The following TESK2 variants were observed in gnomAD, a reference collection of about 807,000 sequenced individuals.
TESK2 encodes dual specificity testis-specific protein kinase 2.
Under a neutral mutation model 57.1 loss-of-function variants are expected in TESK2, and 39 were observed. The ratio of observed to expected loss-of-function variants is 0.68; its 90% CI spans 0.53 to 0.89. The LOEUF is 0.89. TESK2 is among the 40% of genes least tolerant of loss of function. The pLI, the probability that TESK2 is intolerant of heterozygous loss-of-function variation, is 0.00. For synonymous variants in TESK2, 249 were observed against 267.9 expected, an observed-to-expected ratio of 0.93 and a Z score of 0.69; for missense variants, 646 against 732.1, an observed-to-expected ratio of 0.88 and a Z score of 1.36.
At chr1:45,440,257 C>A (rs774598868) in intron 2 of TESK2, among the ~76,000 whole-genome samples, 4 of 151,270 alleles carry the variant, frequency 2.6e-5, no homozygotes, top group Non-Finnish European at 4.4e-5. Context: ...TGCCAAGGCC[C>A]CCCCAAAAAA....
chr1:45,402,639 C>T (rs1413550110), intron 3 of TESK2, among the ~76,000 whole-genome samples: 1 of 151,916 alleles, frequency 6.6e-6, no homozygotes, highest in Non-Finnish European at 1.5e-5. Flanking sequence ...TGCAGCACCA[C>T]ACCAAGCTAA....
intron 2 of TESK2, among the ~76,000 whole-genome samples, chr1:45,423,450 G>C (rs958908404): frequency 6.6e-6 from 1 of 151,902 alleles, no homozygotes; most frequent in Non-Finnish European, 1.5e-5. Flanking sequence ...CCAGCTACTC[G>C]GGAGGCTGAG....
chr1:45,478,600 T>C (rs912413281), intron 1 of TESK2, among the ~76,000 whole-genome samples: 6 of 152,366 alleles, frequency 3.9e-5, no homozygotes, highest in Non-Finnish European at 7.3e-5. Flanking sequence ...TATATTTATT[T>C]AGCACCTCTT....
intron 1 of TESK2, among the ~76,000 whole-genome samples, chr1:45,489,611 G>A (rs910281476): frequency 1.3e-5 from 2 of 152,144 alleles, no homozygotes; most frequent in South Asian, 2.1e-4. Flanking sequence ...CCAACGTGGG[G>A]AAACCCCGTC....
intron 1 of TESK2, among the ~76,000 whole-genome samples, chr1:45,469,847 C>T (rs576434067): frequency 6.6e-6 from 1 of 152,316 alleles, no homozygotes; most frequent in East Asian, 1.9e-4. Context: ...TGCTGTTTCT[C>T]ACCCCTTCAT....
At chr1:45,384,557 C>T (rs1648799591) in intron 4 of TESK2, among the ~76,000 whole-genome samples, 1 of 145,592 alleles carries the variant, frequency 6.9e-6, no homozygotes, top group Non-Finnish European at 1.5e-5. Flanking sequence ...GTAAATAGGA[C>T]TACAGGTACA....
chr1:45,488,353 A>G (rs1653570736), intron 1 of TESK2, among the ~76,000 whole-genome samples: 1 of 152,222 alleles, frequency 6.6e-6, no homozygotes, highest in South Asian at 2.1e-4. Context: ...AAGTAATCAC[A>G]TCGATAAGGC....
intron 3 of TESK2, chr1:45,399,011 GC>G (rs1277483497): frequency 2.0e-5 from 7 of 347,006 alleles, no homozygotes; most frequent in Non-Finnish European, 3.8e-5. Context: ...AAAAAAACAA[GC>G]CTTTAAGCCA....
At chr1:45,373,162 T>A (rs111581158) in intron 4 of TESK2, among the ~76,000 whole-genome samples, 10 of 152,158 alleles carry the variant, frequency 6.6e-5, no homozygotes, top group African/African-American at 2.2e-4. Flanking sequence ...AAAAAAGATT[T>A]GTATTTCAGG....
chr1:45,411,327 C>T (rs1494812), intron 3 of TESK2, among the ~76,000 whole-genome samples: 39,207 of 151,840 alleles, frequency 0.26, 5,186 homozygotes, highest in East Asian at 0.36. Flanking sequence ...TCCACAGACT[C>T]GGGTGAGGGT....
rs199702121 is a variant in TESK2 at position 45,385,696 on chromosome 1, ATG to A, written c.393+214_393+215del. Among the ~76,000 whole-genome samples the A allele has an allele frequency of 9.9e-5, 14 of 141,836 alleles. No individual in the cohort carries two copies. In the East Asian group the frequency reaches 1.4e-3, roughly 14 times the overall value. 93.0% of individuals were successfully genotyped at this position (141,836 alleles called of 152,430 possible). On this transcript the variant is annotated intron_variant, in intron 4 of 10. Coordinates refer to ENST00000372086, the MANE Select transcript of TESK2 (RefSeq NM_007170.3). ...ACATGTACCCCAGAACTTAAAGTGT[ATG>A]TGTGTGTGTGTGTATATATATATAT...
intron 1 of TESK2, among the ~76,000 whole-genome samples, chr1:45,470,225 G>T (rs749579634): frequency 6.6e-6 from 1 of 152,062 alleles, no homozygotes; most frequent in East Asian, 1.9e-4. Context: ...ATGTAGCCCC[G>T]AAAACTGGCC....
At position 45,345,176 on chromosome 1, in the gene TESK2, C is replaced by T. The variant is rs778194657; in HGVS notation, c.1380G>A (p.Ser460=). The T allele has an allele frequency of 2.6e-5, 42 of 1,614,024 alleles. No individual in the cohort carries two copies. The highest frequency in any genetic ancestry group is 3.6e-5 in the Non-Finnish European group (42 of 1,180,034). The part of the protein sequence containing the change: ...PIRRWRSLPG[S]PEFLHQEACP... ...AAGCCTCTTGATGCAAGAACTCAGG[C>T]GAACCAGGCAAGGAACGCCACCGGC... Residue 460 remains serine (S), a synonymous_variant, in exon 11 of 11, where the codon TCG becomes TCA. Transcript: ENST00000372086.
At chr1:45,474,785 C>CTT (rs1268268401) in intron 1 of TESK2, among the ~76,000 whole-genome samples, 3 of 139,710 alleles carry the variant, frequency 2.1e-5, no homozygotes, top group South Asian at 2.3e-4. Flanking sequence ...GCCTCCATCT[C>CTT]TTTTTTTTTT....
intron 2 of TESK2, among the ~76,000 whole-genome samples, chr1:45,435,616 C>T (rs1194623658): frequency 1.2e-5 from 1 of 84,566 alleles, no homozygotes; most frequent in African/African-American, 5.0e-5. Context: ...CTATGTTGCT[C>T]AGTATTCTTT....
At chr1:45,459,191 G>A (rs767229186) in intron 1 of TESK2, among the ~76,000 whole-genome samples, 5 of 152,212 alleles carry the variant, frequency 3.3e-5, no homozygotes, top group Non-Finnish European at 5.9e-5. Context: ...CAATATGGCG[G>A]CTTTCTAAAA....
At chr1:45,357,811 G>C (rs1426004098) in intron 4 of TESK2, among the ~76,000 whole-genome samples, 1 of 150,762 alleles carries the variant, frequency 6.6e-6, no homozygotes, top group Admixed American at 6.6e-5. Flanking sequence ...TTCGAGACCA[G>C]CCTGACCAAC....
In TESK2 at chr1:45,413,756, G is replaced by A. The variant is rs79044913; in HGVS notation, c.344+7969C>T. ...ATCTACTCAGCCACCTCCCATACCCGGGGCCAGCACCTGAGAAGGCACATC... is the reference window on the plus strand; with the variant it reads ...ATCTACTCAGCCACCTCCCATACCCAGGGCCAGCACCTGAGAAGGCACATC... On this transcript the variant is annotated intron_variant, in intron 3 of 10. Transcript: ENST00000372086. 1,824 of 447,118 alleles carry A rather than the reference G, an allele frequency of 4.1e-3. 20 individuals carry two copies. The highest frequency in any genetic ancestry group is 0.029 in the East Asian group (412 of 14,338). 27.7% of individuals were successfully genotyped at this position (447,118 alleles called of 1,614,324 possible).
intron 1 of TESK2, among the ~76,000 whole-genome samples, chr1:45,475,082 AG>A (rs371052708): frequency 0.19 from 26,958 of 142,432 alleles, 2,853 homozygotes; most frequent in Non-Finnish European, 0.25. Flanking sequence ...AAAAAAAAAA[AG>A]AAAAGAAAAG....
Sources: allele counts gnomAD v4.1 joint callset (sites outside exome capture counted in the v4.1 genomes callset), GRCh38; gene constraint gnomAD v4.1.1; transcripts MANE v1.5; gene names NCBI Gene and HGNC (gene_info 2026-07-23, HGNC 2026-07-21).